Variants in ASIC2 observed in about 807,000 individuals in gnomAD.
The protein encoded by ASIC2 is acid-sensing ion channel 2.
A neutral mutation model predicts 57.3 loss-of-function variants in ASIC2; 25 were observed. The observed-to-expected ratio is 0.44, with a 90% CI of 0.32 to 0.61. The LOEUF (loss-of-function observed/expected upper bound fraction) is 0.61. ASIC2 is among the 20% of genes least tolerant of loss of function. The probability of loss-of-function intolerance (pLI) is 0.06; values close to 1 mark genes in which losing one functional copy is unlikely to be tolerated. For missense variants in ASIC2, 641 were observed against 738.1 expected, an observed-to-expected ratio of 0.87 and a Z score of 1.52; for synonymous variants, 319 against 307.5, an observed-to-expected ratio of 1.04 and a Z score of -0.39.
At chr17:33,492,862 G>A (rs1393247031) in intron 1 of ASIC2, among the ~76,000 whole-genome samples, 1 of 152,170 alleles carries the variant, frequency 6.6e-6, no homozygotes, top group African/African-American at 2.4e-5. Context: ...ATAGCTACTT[G>A]GTGCACTTTC....
chr17:33,288,512 C>T (rs189870260), intron 1 of ASIC2, among the ~76,000 whole-genome samples: 20 of 152,166 alleles, frequency 1.3e-4, no homozygotes, highest in African/African-American at 4.8e-4. Context: ...AATCTGAGGA[C>T]AGCTGAACCA....
intron 1 of ASIC2, among the ~76,000 whole-genome samples, chr17:33,173,776 A>G (rs1235713961): frequency 2.6e-5 from 4 of 152,200 alleles, no homozygotes; most frequent in Non-Finnish European, 5.9e-5. Context: ...TACCTTCCTC[A>G]TGGGACTGCC....
intron 1 of ASIC2, among the ~76,000 whole-genome samples, chr17:33,916,391 C>T (rs999384242): frequency 6.6e-6 from 1 of 152,058 alleles, no homozygotes; most frequent in Non-Finnish European, 1.5e-5. Context: ...TGAAGCCCAC[C>T]CAGAGAGGTG....
At chr17:33,486,882 G>A (rs1264843885) in intron 1 of ASIC2, among the ~76,000 whole-genome samples, 1 of 152,120 alleles carries the variant, frequency 6.6e-6, no homozygotes, top group Non-Finnish European at 1.5e-5. Context: ...GAAGGACAAG[G>A]GCAGTGCTGA....
At chr17:33,784,912 T>C (rs908689315) in intron 1 of ASIC2, among the ~76,000 whole-genome samples, 1 of 152,146 alleles carries the variant, frequency 6.6e-6, no homozygotes, top group African/African-American at 2.4e-5. Context: ...TCATTTTTTT[T>C]CCTTGCCTTT....
intron 1 of ASIC2, among the ~76,000 whole-genome samples, chr17:33,838,749 C>T (rs1347091492): frequency 1.3e-5 from 2 of 152,128 alleles, no homozygotes; most frequent in African/African-American, 4.8e-5. Context: ...TCTGAATGCC[C>T]ATTAAAATCA....
intron 1 of ASIC2, among the ~76,000 whole-genome samples, chr17:33,442,821 A>G (rs1911872425): frequency 6.6e-6 from 1 of 152,184 alleles, no homozygotes; most frequent in African/African-American, 2.4e-5. Flanking sequence ...GATGTTAAGT[A>G]GGATTAATGG....
chr17:33,813,809 C>T (rs1194491243), intron 1 of ASIC2, among the ~76,000 whole-genome samples: 1 of 151,898 alleles, frequency 6.6e-6, no homozygotes, highest in African/African-American at 2.4e-5. Flanking sequence ...GATAATTTGG[C>T]ATGCTTTACA....
intron 3 of ASIC2, among the ~76,000 whole-genome samples, chr17:33,056,943 A>C (rs1229781195): frequency 6.6e-6 from 1 of 152,124 alleles, no homozygotes; most frequent in Non-Finnish European, 1.5e-5. Flanking sequence ...GTCTCTCTAG[A>C]TTTTGAACTT....
intron 1 of ASIC2, among the ~76,000 whole-genome samples, chr17:33,682,140 A>G (rs1168719782): frequency 6.7e-6 from 1 of 149,560 alleles, no homozygotes; most frequent in African/African-American, 2.5e-5. Flanking sequence ...GCTCACTGCA[A>G]GCTCCGCCTC....
intron 1 of ASIC2, among the ~76,000 whole-genome samples, chr17:33,858,251 G>A (rs947443832): frequency 6.6e-6 from 1 of 152,218 alleles, no homozygotes; most frequent in South Asian, 2.1e-4. Flanking sequence ...CAGCCAACCT[G>A]TGAGGGAGGT....
At chr17:33,796,788 G>T (rs1407696745) in intron 1 of ASIC2, among the ~76,000 whole-genome samples, 1 of 152,148 alleles carries the variant, frequency 6.6e-6, no homozygotes, top group African/African-American at 2.4e-5. Context: ...GAGAAACTTG[G>T]GGCTGGTAGG....
Position 33,089,019 on chromosome 17 carries a change from G to A in ASIC2, c.860-29C>T, listed in dbSNP as rs192283562. 456 of 1,612,820 alleles carry A rather than the reference G, an allele frequency of 2.8e-4. 1 individual carries two copies. The African/African-American group carries it at 5.3e-3, about 19-fold the overall frequency. ...AAAGAACAAAGATGGACAGAGCCAC[G>A]GGTCAGTAACAACAGATGCTCATGG... On this transcript the variant is annotated intron_variant, in intron 2 of 9. Transcript: ENST00000225823.
intron 1 of ASIC2, among the ~76,000 whole-genome samples, chr17:33,908,344 G>C (rs317348): frequency 6.6e-6 from 1 of 152,052 alleles, no homozygotes; most frequent in Admixed American, 6.5e-5. Context: ...ACAATATTGA[G>C]CCAGGGGTCA....
intron 1 of ASIC2, among the ~76,000 whole-genome samples, chr17:34,122,787 C>T (rs189337550): frequency 3.5e-4 from 54 of 152,310 alleles, no homozygotes; most frequent in Admixed American, 1.8e-3. Flanking sequence ...ACACAAGCTG[C>T]TCAGGGAGAG....
chr17:33,857,879 G>T (rs141185986), intron 1 of ASIC2, among the ~76,000 whole-genome samples: 1 of 152,152 alleles, frequency 6.6e-6, no homozygotes, highest in Non-Finnish European at 1.5e-5. Flanking sequence ...CAAATATCTG[G>T]GATTCTGATT....
intron 1 of ASIC2, among the ~76,000 whole-genome samples, chr17:33,468,562 AC>A (rs1300167511): frequency 6.6e-6 from 1 of 152,116 alleles, no homozygotes; most frequent in African/African-American, 2.4e-5. Flanking sequence ...ATTTCATGAT[AC>A]TTTTTTTCCA....
intron 1 of ASIC2, among the ~76,000 whole-genome samples, chr17:33,453,014 T>C (rs1253023170): frequency 6.6e-6 from 1 of 152,176 alleles, no homozygotes; most frequent in Non-Finnish European, 1.5e-5. Context: ...GAGATTCCTT[T>C]CGAATGAATG....
At chr17:33,905,141 CTTTTTTTT>C (rs57064859) in intron 1 of ASIC2, among the ~76,000 whole-genome samples, 5 of 87,888 alleles carry the variant, frequency 5.7e-5, no homozygotes, top group African/African-American at 1.8e-4. Flanking sequence ...TAGTTTAAGG[CTTTTTTTT>C]TTTTTTTTTT....
Sources: allele counts gnomAD v4.1 joint callset (sites outside exome capture counted in the v4.1 genomes callset), GRCh38; gene constraint gnomAD v4.1.1; transcripts MANE v1.5; gene names NCBI Gene and HGNC (gene_info 2026-07-23, HGNC 2026-07-21).